The following TFDP1 variants were observed in gnomAD, a reference collection of about 807,000 sequenced individuals.
The protein encoded by TFDP1 is DRTF1-polypeptide 1.
In TFDP1, 6 loss-of-function variants were observed where a neutral mutation model predicts 48.0. The ratio of observed to expected loss-of-function variants is 0.13; its 90% CI spans 0.07 to 0.25. The LOEUF (loss-of-function observed/expected upper bound fraction) is 0.25, where lower values mean the gene tolerates loss of function less well. Ranked by LOEUF, TFDP1 falls within the 10% of genes least tolerant of loss-of-function variation. The pLI, the probability that TFDP1 is intolerant of heterozygous loss-of-function variation, is 1.00. For missense variants in TFDP1, 335 were observed against 543.0 expected (o/e 0.62, Z 3.81); for synonymous variants, 201 against 211.6 (o/e 0.95, Z 0.44).
In TFDP1 at chr13:113,637,867, C is replaced by T. The variant is rs761417581; in HGVS notation, c.1056C>T (p.Ser352=). 10 of 1,614,012 alleles carry T rather than the reference C, an allele frequency of 6.2e-6. No individual in the cohort carries two copies. Among genetic ancestry groups the T allele is most frequent in the Non-Finnish European group, 7.6e-6 (9 of 1,180,044 alleles). ...GCGTGTTCATCACGACGGCAGGTTC[C>T]ACGTCTAACGGCACAAGGTTCTCTG... ...VGGVFITTAG[S]TSNGTRFSAS... The change falls in exon 11 of 12, where the codon TCC becomes TCT. Residue 352 remains serine (S), a synonymous_variant. Coordinates refer to ENST00000375370, the MANE Select transcript of TFDP1 (RefSeq NM_007111.5).
At chr13:113,597,971 C>T (rs749625783) in intron 2 of TFDP1, among the ~76,000 whole-genome samples, 16 of 152,320 alleles carry the variant, frequency 1.1e-4, no homozygotes, top group South Asian at 2.1e-4. Flanking sequence ...CAGCAGGCCT[C>T]CCCTGCAGGC....
chr13:113,587,651 A>AT (rs1566629864), intron 2 of TFDP1, among the ~76,000 whole-genome samples: 1 of 151,214 alleles, frequency 6.6e-6, no homozygotes, highest in Admixed American at 6.6e-5. Context: ...TGCCTGGCAA[A>AT]TTTTTTTGTA....
chr13:113,587,070 G>A (rs2048023699), intron 2 of TFDP1, among the ~76,000 whole-genome samples: 1 of 152,142 alleles, frequency 6.6e-6, no homozygotes, highest in Admixed American at 6.5e-5. Flanking sequence ...TTCCTGTGTG[G>A]TTTCCTCAGA....
chr13:113,619,335 G>A (rs2048938009), intron 3 of TFDP1, among the ~76,000 whole-genome samples: 2 of 152,108 alleles, frequency 1.3e-5, no homozygotes, highest in South Asian at 4.1e-4. Context: ...AGCCAGTGTG[G>A]TGGCAGGTGC....
chr13:113,624,645 C>G (rs1472174863), intron 4 of TFDP1, among the ~76,000 whole-genome samples: 1 of 144,384 alleles, frequency 6.9e-6, no homozygotes, highest in Non-Finnish European at 1.5e-5. Context: ...CTCAGGGTGT[C>G]TCTCACATGT....
At chr13:113,631,967 G>A (rs935086677) in intron 5 of TFDP1, 36 of 571,500 alleles carry the variant, frequency 6.3e-5, no homozygotes, top group Admixed American at 2.5e-4. Context: ...CGCCCACCCC[G>A]CTTTGTGTCT....
At chr13:113,613,772 G>T (rs2048776960) in intron 3 of TFDP1, among the ~76,000 whole-genome samples, 1 of 151,720 alleles carries the variant, frequency 6.6e-6, no homozygotes, top group African/African-American at 2.4e-5. Flanking sequence ...GGGTGTGTGA[G>T]GAGTGCTTAT....
At chr13:113,635,892 C>A in intron 8 of TFDP1, 85 bp from the exon 9 acceptor site, 1 of 1,473,202 alleles carries the variant, frequency 6.8e-7, no homozygotes, top group Non-Finnish European at 9.2e-7. Flanking sequence ...CACGTGGACG[C>A]AGGGAGGGCT....
At position 113,640,878 on chromosome 13, in the gene TFDP1, C is replaced by CT. The variant is rs1217093074; in HGVS notation, c.*615dup. On this transcript the variant is annotated 3_prime_UTR_variant, in exon 12 of 12. Transcript: ENST00000375370. The stretch of plus-strand genomic sequence containing the variant: ...TGTGATTCCATCAAGTTTGTACACT[C>CT]TTTTCTCTCCCTGTTTTGCAGCAAC... 6.5e-6 allele frequency: 1 copy of CT among 152,936 alleles called. No homozygotes were observed. The highest frequency in any genetic ancestry group is 1.5e-5 in the Non-Finnish European group (1 of 68,304). 9.5% of individuals were successfully genotyped at this position (152,936 alleles called of 1,614,324 possible).
intron 2 of TFDP1, among the ~76,000 whole-genome samples, chr13:113,601,693 G>C (rs1042073267): frequency 4.6e-5 from 7 of 152,238 alleles, no homozygotes; most frequent in Admixed American, 3.9e-4. Flanking sequence ...CCCGGCCCCA[G>C]AGGAAGGGCC....
intron 4 of TFDP1, among the ~76,000 whole-genome samples, chr13:113,624,092 T>A (rs2049060312): frequency 6.6e-6 from 1 of 152,046 alleles, no homozygotes; most frequent in Non-Finnish European, 1.5e-5. Flanking sequence ...TTCCTGGTCC[T>A]GAGATGATGC....
intron 2 of TFDP1, among the ~76,000 whole-genome samples, chr13:113,601,796 T>A (rs9577591): frequency 2.0e-5 from 3 of 151,576 alleles, no homozygotes; most frequent in African/African-American, 7.3e-5. Context: ...CAGGAGTTGA[T>A]GGGGGAGCAG....
chr13:113,636,083 A>C lies in TFDP1; in HGVS notation c.794A>C (p.Asn265Thr). The change falls in exon 9 of 12, where the codon AAC becomes ACC. Residue 265 changes from asparagine (N) to threonine (T), a missense_variant. Physicochemically the swap from Asn to Thr is moderately conservative, Grantham distance 65. Transcript: ENST00000375370. ...SVIHLPFIIV[N>T]TSKKTVIDCS... is the part of the protein sequence containing the mutation. The stretch of plus-strand genomic sequence containing the variant: ...ATCCACCTGCCCTTCATCATCGTCA[A>C]CACCAGCAAGAAGACGGTCATCGAC... 1 of 1,614,212 alleles carries C rather than the reference A, an allele frequency of 6.2e-7. No individual in the cohort carries two copies. Among genetic ancestry groups the C allele is most frequent in the Non-Finnish European group, 8.5e-7 (1 of 1,180,028 alleles).
At chr13:113,614,342 C>T (rs965182382) in intron 3 of TFDP1, among the ~76,000 whole-genome samples, 5 of 152,164 alleles carry the variant, frequency 3.3e-5, no homozygotes, top group Non-Finnish European at 7.3e-5. Context: ...CCCCCCTTGC[C>T]TCTAGTTGGG....
At chr13:113,614,250 C>A (rs1044540822) in intron 3 of TFDP1, among the ~76,000 whole-genome samples, 1 of 150,858 alleles carries the variant, frequency 6.6e-6, no homozygotes, top group Non-Finnish European at 1.5e-5. Context: ...AGTGTGAGTT[C>A]TGATTGTGCG....
chr13:113,631,498 G>A (rs1245318809), intron 4 of TFDP1, 125 bp from the exon 5 acceptor site: 6 of 1,286,380 alleles, frequency 4.7e-6, no homozygotes, highest in Middle Eastern at 3.0e-4. Context: ...TTCCTGCTCC[G>A]TCATGGCTGC....
In TFDP1 at chr13:113,633,099, C is replaced by G. The variant is rs1284983404; in HGVS notation, c.309-21C>G. 11 of 1,604,836 alleles carry G rather than the reference C, an allele frequency of 6.9e-6. No individual in the cohort carries two copies. In the Admixed American group the frequency reaches 1.3e-4, roughly 20 times the overall value. ...CTCAGGAGGGCTGACAGTCGCTTCTCTTTTCCTTTGTATTTTGAAGGAAGC... is the reference window on the plus strand; with the variant it reads ...CTCAGGAGGGCTGACAGTCGCTTCTGTTTTCCTTTGTATTTTGAAGGAAGC... On this transcript the variant is annotated intron_variant, in intron 5 of 11. Coordinates refer to ENST00000375370, the MANE Select transcript of TFDP1 (RefSeq NM_007111.5). The surrounding 1 kb of genome is among the most constrained non-coding windows in gnomAD (Gnocchi z 4.5).
At chr13:113,592,591 T>A (rs1243121334) in intron 2 of TFDP1, among the ~76,000 whole-genome samples, 1 of 152,228 alleles carries the variant, frequency 6.6e-6, no homozygotes, top group Non-Finnish European at 1.5e-5. Flanking sequence ...TGGTCTTCTG[T>A]TCATTAACAT....
rs2048783593 is a variant in TFDP1 at position 113,613,913 on chromosome 13, G to C, written c.79+2851G>C. Among the ~76,000 whole-genome samples the C allele has an allele frequency of 2.0e-5, 3 of 151,730 alleles. No homozygotes were observed. In the South Asian group the frequency reaches 6.3e-4, roughly 32 times the overall value. ...AGTGTACCTGTGAGTTTGCGTGTGT[G>C]TGCATGCGTGTGAGTTGTGTGCGTG... On this transcript the variant is annotated intron_variant, in intron 3 of 11. Transcript: ENST00000375370.
Sources: allele counts gnomAD v4.1 joint callset (sites outside exome capture counted in the v4.1 genomes callset), GRCh38; gene constraint gnomAD v4.1.1; non-coding constraint Gnocchi (gnomAD v3.1); transcripts MANE v1.5; gene names NCBI Gene and HGNC (gene_info 2026-07-23, HGNC 2026-07-21).